Variants in PCED1B observed in about 807,000 individuals in gnomAD.
The protein encoded by PCED1B is PC-esterase domain containing 1B, also known as PC-esterase domain-containing protein 1B.
For synonymous variants in PCED1B, 251 were observed against 246.1 expected, an observed-to-expected ratio of 1.02 and a Z score of -0.19; for missense variants, 573 against 573.9, an observed-to-expected ratio of 1.00 and a Z score of 0.02.
intron 2 of PCED1B, among the ~76,000 whole-genome samples, chr12:47,132,085 A>T (rs1209755366): frequency 6.6e-6 from 1 of 152,196 alleles, no homozygotes; most frequent in East Asian, 1.9e-4. Context: ...TCGAGTGGAA[A>T]CATTGTGATT....
At chr12:47,203,990 C>A (rs140491436) in intron 2 of PCED1B, among the ~76,000 whole-genome samples, 2 of 152,120 alleles carry the variant, frequency 1.3e-5, no homozygotes, top group African/African-American at 4.8e-5. Flanking sequence ...CCCACAACCT[C>A]GCCAGCATCT....
At chr12:47,161,018 C>T (rs1941360218) in intron 2 of PCED1B, among the ~76,000 whole-genome samples, 2 of 152,166 alleles carry the variant, frequency 1.3e-5, no homozygotes, top group African/African-American at 4.8e-5. Flanking sequence ...TTCCACTTCC[C>T]CTTTGACCTT....
At chr12:47,217,576 T>C (rs1221558975) in intron 3 of PCED1B, among the ~76,000 whole-genome samples, 1 of 151,768 alleles carries the variant, frequency 6.6e-6, no homozygotes, top group Admixed American at 6.6e-5. Flanking sequence ...TCTTAGGTTG[T>C]TTTTGTTTTT....
chr12:47,107,165 T>G (rs1938990893), intron 2 of PCED1B, among the ~76,000 whole-genome samples: 1 of 152,210 alleles, frequency 6.6e-6, no homozygotes, highest in South Asian at 2.1e-4. Flanking sequence ...TTGATATTCT[T>G]CATTGTTGAT....
intron 2 of PCED1B, among the ~76,000 whole-genome samples, chr12:47,175,370 T>C (rs1941889161): frequency 6.6e-6 from 1 of 152,154 alleles, no homozygotes; most frequent in East Asian, 1.9e-4. Context: ...TTGCACAGTA[T>C]CTTTATATCC....
chr12:47,150,503 G>A (rs1275008335), intron 2 of PCED1B, among the ~76,000 whole-genome samples: 3 of 151,840 alleles, frequency 2.0e-5, no homozygotes, highest in South Asian at 2.1e-4. Context: ...GCTTGAACCC[G>A]GGAAGCAGAG....
rs745945774 is a variant in PCED1B, at chr12:47,235,757, T to C, written c.694T>C (p.Trp232Arg). The change falls in exon 4 of 4, where the codon TGG becomes CGG. Residue 232 changes from tryptophan (W) to arginine (R), a missense_variant. Coordinates refer to ENST00000546455, the MANE Select transcript of PCED1B (RefSeq NM_138371.3). ...GAACCTGCACTGGGACGGGGTGCACTGGAATGGACGTGTGCACCGCTGCCT... is the reference window on the plus strand; with the variant it reads ...GAACCTGCACTGGGACGGGGTGCACCGGAATGGACGTGTGCACCGCTGCCT... ...RENLHWDGVH[W>R]NGRVHRCLSQ... 6.3e-7 allele frequency: 1 copy of C among 1,598,314 alleles called. No homozygotes were observed. The highest frequency in any genetic ancestry group is 8.5e-7 in the Non-Finnish European group (1 of 1,172,776).
chr12:47,082,096 AGACGT>A lies in PCED1B; in HGVS notation c.-609+2375_-609+2379del, dbSNP rs924692686. ...AGATAAGAGTTGATCTTAAGGTATA[AGACGT>A]GACCTTATTTTGTGGAGGATAACAT... On this transcript the variant is annotated intron_variant, in intron 1 of 3. Coordinates refer to ENST00000546455, the MANE Select transcript of PCED1B (RefSeq NM_138371.3). Among the ~76,000 whole-genome samples the A allele has an allele frequency of 1.0e-3, 152 of 152,332 alleles. 1 individual carries two copies. Among genetic ancestry groups the A allele is most frequent in the African/African-American group, 3.5e-3 (146 of 41,576 alleles).
At chr12:47,209,053 G>C (rs972397245) in intron 2 of PCED1B, 2 of 152,114 alleles carry the variant, frequency 1.3e-5, no homozygotes, top group Non-Finnish European at 2.9e-5. Flanking sequence ...CTGTGCGTGT[G>C]GCATCTATGC....
chr12:47,173,260 A>G (rs904375287), intron 2 of PCED1B, among the ~76,000 whole-genome samples: 8 of 152,080 alleles, frequency 5.3e-5, no homozygotes, highest in African/African-American at 9.7e-5. Flanking sequence ...TATCTCCTGT[A>G]TGTTTCTTTG....
At chr12:47,137,079 T>C (rs536083772) in intron 2 of PCED1B, among the ~76,000 whole-genome samples, 4 of 152,276 alleles carry the variant, frequency 2.6e-5, no homozygotes, top group Non-Finnish European at 5.9e-5. Context: ...TCTCGATTAC[T>C]GTAATTGTTG....
chr12:47,173,356 C>A (rs187300229), intron 2 of PCED1B, among the ~76,000 whole-genome samples: 1 of 152,164 alleles, frequency 6.6e-6, no homozygotes, highest in African/African-American at 2.4e-5. Flanking sequence ...TGGGTTCAAG[C>A]GATTCTCCTG....
chr12:47,192,144 C>A (rs1942460311), intron 2 of PCED1B, among the ~76,000 whole-genome samples: 1 of 145,582 alleles, frequency 6.9e-6, no homozygotes, highest in Non-Finnish European at 1.5e-5. Flanking sequence ...TTAACTATTT[C>A]AAAAATGGAG....
chr12:47,235,872 A>C lies in PCED1B; in HGVS notation c.809A>C (p.Lys270Thr). ...GTGGGCGAGTGGATCAAGAAGAAAA[A>C]ACCTGGCCCGAGAGTCGAAGGGCCG... ...HPVGEWIKKK[K>T]PGPRVEGPPQ... is the part of the protein sequence containing the mutation. The change falls in exon 4 of 4, where the codon AAA becomes ACA. Residue 270 changes from lysine to threonine, a missense_variant. Physicochemically the swap from Lys to Thr is moderately conservative, Grantham distance 78. Transcript: ENST00000546455. 1 of 1,583,022 alleles carries C rather than the reference A, an allele frequency of 6.3e-7. No homozygotes were observed. Among genetic ancestry groups the C allele is most frequent in the Non-Finnish European group, 8.6e-7 (1 of 1,164,932 alleles).
chr12:47,113,717 A>G (rs1939296861), intron 2 of PCED1B, among the ~76,000 whole-genome samples: 1 of 152,082 alleles, frequency 6.6e-6, no homozygotes. Flanking sequence ...ATGTAATTTT[A>G]AGAATTGCAT....
intron 1 of PCED1B, among the ~76,000 whole-genome samples, chr12:47,091,260 T>C (rs1284202867): frequency 6.6e-6 from 1 of 152,192 alleles, no homozygotes; most frequent in Non-Finnish European, 1.5e-5. Flanking sequence ...TATTTTATTA[T>C]GGTTTTATGT....
At chr12:47,195,191 T>C (rs1942566342) in intron 2 of PCED1B, among the ~76,000 whole-genome samples, 1 of 152,094 alleles carries the variant, frequency 6.6e-6, no homozygotes, top group African/African-American at 2.4e-5. Context: ...CAGCCGAGCA[T>C]GGTGGTACAC....
In PCED1B at chr12:47,224,784, C is replaced by T. The variant is rs567015370; in HGVS notation, c.-58+8095C>T. Among the ~76,000 whole-genome samples the T allele has an allele frequency of 2.6e-5, 4 of 152,178 alleles. No individual in the cohort carries two copies. In the South Asian group the frequency reaches 6.2e-4, roughly 24 times the overall value. ...AATGTGCAGTAACAGCTGTCATAGC[C>T]GTAGATAGACGCAGGGCTCTCTAAA... On this transcript the variant is annotated intron_variant, in intron 3 of 3. Transcript: ENST00000546455.
chr12:47,213,964 CT>C (rs2137784849), intron 2 of PCED1B, among the ~76,000 whole-genome samples: 1 of 152,262 alleles, frequency 6.6e-6, no homozygotes, highest in African/African-American at 2.4e-5. Context: ...AGAGATTGTC[CT>C]TTTATTCTCA....
Sources: allele counts gnomAD v4.1 joint callset (sites outside exome capture counted in the v4.1 genomes callset), GRCh38; gene constraint gnomAD v4.1.1; transcripts MANE v1.5; gene names NCBI Gene and HGNC (gene_info 2026-07-23, HGNC 2026-07-21).